The following SNTG1 variants were observed in gnomAD, a reference collection of about 807,000 sequenced individuals.
SNTG1 encodes gamma-1-syntrophin.
SNTG1 carries 39 observed loss-of-function variants against 74.7 expected under a neutral mutation model. The observed-to-expected ratio is 0.52, with a 90% CI of 0.40 to 0.68. The LOEUF is 0.68. Among genes scored for constraint, SNTG1 ranks in the 30% least tolerant of loss-of-function variants. The pLI is 0.00. For synonymous variants in SNTG1, 254 were observed against 217.1 expected (o/e 1.17, Z -1.49); for missense variants, 685 against 609.5 (o/e 1.12, Z -1.30).
intron 17 of SNTG1, among the ~76,000 whole-genome samples, chr8:50,722,901 A>T (rs1336168890): frequency 6.6e-6 from 1 of 152,242 alleles, no homozygotes; most frequent in Admixed American, 6.5e-5. Flanking sequence ...ACTGTCAAAA[A>T]CAAACAAGTT....
chr8:49,938,602 C>CTT (rs371390753), intron 1 of SNTG1, among the ~76,000 whole-genome samples: 4 of 8,104 alleles, frequency 4.9e-4, no homozygotes, highest in African/African-American at 9.9e-4. Flanking sequence ...CTTTTCTTTT[C>CTT]TTTTCTTTCT....
At chr8:50,541,767 T>C (rs534535652) in intron 11 of SNTG1, among the ~76,000 whole-genome samples, 3 of 152,022 alleles carry the variant, frequency 2.0e-5, no homozygotes, top group Non-Finnish European at 4.4e-5. Flanking sequence ...CTATGTCTTA[T>C]ACTATACTAT....
At chr8:50,343,945 A>ATCCAGGG (rs145091950) in intron 2 of SNTG1, among the ~76,000 whole-genome samples, 9,929 of 152,222 alleles carry the variant, frequency 0.065, 350 homozygotes, top group African/African-American at 0.072. Context: ...TAGGAATAAG[A>ATCCAGGG]TGGCTGGTGT....
intron 2 of SNTG1, among the ~76,000 whole-genome samples, chr8:50,295,358 T>A (rs1306066737): frequency 6.6e-6 from 1 of 152,226 alleles, no homozygotes; most frequent in African/African-American, 2.4e-5. Flanking sequence ...TCTATATCTC[T>A]ACTTATTCCA....
In SNTG1 at chr8:50,712,687, A is replaced by G. The variant is rs2095464995; in HGVS notation, c.1284+3709A>G. On this transcript the variant is annotated intron_variant, in intron 17 of 18. Transcript: ENST00000642720. The stretch of plus-strand genomic sequence containing the variant: ...ACCCCTCAACAGGCCCCAGTGTGTG[A>G]TGTTTCCCTCCTTGTGTCTACCTGT... 2.0e-5 allele frequency among the ~76,000 whole-genome samples: 3 copies of G among 150,566 alleles called. No individual in the cohort carries two copies. In the South Asian group the frequency reaches 6.4e-4, roughly 32 times the overall value.
At chr8:50,107,174 T>C (rs2080404751) in intron 1 of SNTG1, among the ~76,000 whole-genome samples, 3 of 152,178 alleles carry the variant, frequency 2.0e-5, no homozygotes, top group Admixed American at 2.0e-4. Flanking sequence ...CCCTTTTATA[T>C]TTTCATCTTC....
chr8:50,604,391 A>G (rs1351552715), intron 13 of SNTG1, among the ~76,000 whole-genome samples: 5 of 152,056 alleles, frequency 3.3e-5, no homozygotes, highest in African/African-American at 1.2e-4. Context: ...ACTTCAGCCT[A>G]GATGACAGAG....
intron 15 of SNTG1, among the ~76,000 whole-genome samples, chr8:50,669,486 AC>A (rs1268408854): frequency 3.3e-5 from 5 of 152,174 alleles, no homozygotes; most frequent in Non-Finnish European, 5.9e-5. Flanking sequence ...CCAAGACTAA[AC>A]CAGGAAGAAG....
intron 1 of SNTG1, among the ~76,000 whole-genome samples, chr8:50,147,417 A>T (rs535927751): frequency 6.6e-6 from 1 of 152,352 alleles, no homozygotes; most frequent in East Asian, 1.9e-4. Flanking sequence ...GAATTATAGA[A>T]TTAAAGAATT....
chr8:50,726,718 G>A lies in SNTG1; in HGVS notation c.1284+17740G>A, dbSNP rs1004802838. On this transcript the variant is annotated intron_variant, in intron 17 of 18. Transcript: ENST00000642720. ...CAAAAAATTAGCAGGGTGTGGTGGCGGACGCCTGTAGTCCCAGCTACTGAG... is the reference window on the plus strand; with the variant it reads ...CAAAAAATTAGCAGGGTGTGGTGGCAGACGCCTGTAGTCCCAGCTACTGAG... Among the ~76,000 whole-genome samples, 11 of 152,208 alleles carry A rather than the reference G, an allele frequency of 7.2e-5. No individual in the cohort carries two copies. The East Asian group carries it at 1.2e-3, about 16-fold the overall frequency.
intron 1 of SNTG1, among the ~76,000 whole-genome samples, chr8:49,918,163 A>G (rs965305436): frequency 6.6e-6 from 1 of 152,168 alleles, no homozygotes; most frequent in Non-Finnish European, 1.5e-5. Flanking sequence ...GTTCATCTTA[A>G]TATGTTTTTA....
At chr8:50,791,667 A>G (rs1375323524) in intron 18 of SNTG1, among the ~76,000 whole-genome samples, 2 of 151,892 alleles carry the variant, frequency 1.3e-5, no homozygotes, top group Non-Finnish European at 2.9e-5. Flanking sequence ...TAAATTCTTT[A>G]TTACATATAT....
chr8:50,548,775 G>T (rs911408684), intron 11 of SNTG1, among the ~76,000 whole-genome samples: 7 of 152,166 alleles, frequency 4.6e-5, no homozygotes, highest in Non-Finnish European at 7.3e-5. Context: ...TCATGGAATA[G>T]ATGGCACCTG....
intron 2 of SNTG1, among the ~76,000 whole-genome samples, chr8:50,173,756 T>TAATA (rs1465712705): frequency 6.6e-6 from 1 of 152,208 alleles, no homozygotes; most frequent in East Asian, 1.9e-4. Context: ...GATGGGTTGC[T>TAATA]AATAGATTGA....
chr8:50,328,945 C>A (rs963597794), intron 2 of SNTG1, among the ~76,000 whole-genome samples: 1 of 152,186 alleles, frequency 6.6e-6, no homozygotes, highest in Non-Finnish European at 1.5e-5. Flanking sequence ...ACTTCCAAGA[C>A]ACAATGTGGG....
At chr8:50,080,533 C>T (rs1479865265) in intron 1 of SNTG1, among the ~76,000 whole-genome samples, 1 of 152,072 alleles carries the variant, frequency 6.6e-6, no homozygotes, top group African/African-American at 2.4e-5. Context: ...TCCTGTTTCT[C>T]CTTTACTGGC....
At chr8:50,296,049 T>C (rs1410109339) in intron 2 of SNTG1, among the ~76,000 whole-genome samples, 1 of 152,176 alleles carries the variant, frequency 6.6e-6, no homozygotes, top group Non-Finnish European at 1.5e-5. Context: ...GATTTTAAAA[T>C]ATTTAATATT....
At chr8:50,235,677 G>A (rs1373851076) in intron 2 of SNTG1, among the ~76,000 whole-genome samples, 1 of 152,040 alleles carries the variant, frequency 6.6e-6, no homozygotes, top group Non-Finnish European at 1.5e-5. Context: ...ACGTGTGAAG[G>A]AAAAAGCTCA....
At chr8:50,381,592 G>GTGTGTGTGTATA (rs1217355515) in intron 2 of SNTG1, among the ~76,000 whole-genome samples, 2 of 98,016 alleles carry the variant, frequency 2.0e-5, no homozygotes, top group Non-Finnish European at 4.4e-5. Flanking sequence ...GTGTGTGTGT[G>GTGTGTGTGTATA]TATATATATA....
Sources: allele counts gnomAD v4.1 joint callset (sites outside exome capture counted in the v4.1 genomes callset), GRCh38; gene constraint gnomAD v4.1.1; transcripts MANE v1.5; gene names NCBI Gene and HGNC (gene_info 2026-07-23, HGNC 2026-07-21).